The following PTPRU variants were observed in gnomAD, a reference collection of about 807,000 sequenced individuals.
PTPRU encodes receptor-type tyrosine-protein phosphatase U.
A neutral mutation model predicts 166.3 loss-of-function variants in PTPRU; 69 were observed. The observed-to-expected ratio is 0.41, with a 90% CI of 0.34 to 0.51. The LOEUF is 0.51. Ranked by LOEUF, PTPRU falls within the 20% of genes least tolerant of loss-of-function variation. The probability of loss-of-function intolerance (pLI) is 0.09; values close to 1 mark genes in which losing one functional copy is unlikely to be tolerated. For synonymous variants in PTPRU, 793 were observed against 814.0 expected, an observed-to-expected ratio of 0.97 and a Z score of 0.44; for missense variants, 1,657 against 2,013.7, an observed-to-expected ratio of 0.82 and a Z score of 3.39.
chr1:29,251,529 G>T (rs1383918688), intron 1 of PTPRU, among the ~76,000 whole-genome samples: 1 of 152,196 alleles, frequency 6.6e-6, no homozygotes, highest in East Asian at 1.9e-4. Flanking sequence ...GCCTATTTGG[G>T]GGTCACCAAC....
chr1:29,311,522 T>C lies in PTPRU; in HGVS notation c.2924T>C (p.Val975Ala), dbSNP rs1310201143. 6.2e-7 allele frequency: 1 copy of C among 1,614,000 alleles called. No individual in the cohort carries two copies. The highest frequency in any genetic ancestry group is 8.5e-7 in the Non-Finnish European group (1 of 1,180,022). ...TGGCAGGAGCACTGTTCCAGCATCG[T>C]CATGATCACCAAGCTGGTCGAGGTG... is the stretch of plus-strand genomic sequence containing the variant. ...MVWQEHCSSI[V>A]MITKLVEVGR... The change falls in exon 20 of 30, where the codon GTC (valine) becomes GCC (alanine). Residue 975 changes from valine to alanine, a missense_variant. By Grantham distance (64) the Val-to-Ala change is moderately conservative (BLOSUM62 0). Coordinates refer to ENST00000373779, the MANE Select transcript of PTPRU (RefSeq NM_133178.4). This position sits in a 1 kb window ranked among gnomAD's most constrained non-coding sequence, Gnocchi z 4.1.
chr1:29,248,254 G>C lies in PTPRU; in HGVS notation c.74-7021G>C, dbSNP rs949638923. Reference sequence around the variant, plus strand: ...GTGGTCCTTGACCTCAGGCAGGGAGGAGGTAGGGATTAGACAGGCCTGAGA... The same window carrying C: ...GTGGTCCTTGACCTCAGGCAGGGAGCAGGTAGGGATTAGACAGGCCTGAGA... On this transcript the variant is annotated intron_variant, in intron 1 of 29. Coordinates refer to ENST00000373779, the MANE Select transcript of PTPRU (RefSeq NM_133178.4). Among the ~76,000 whole-genome samples, 19 of 152,158 alleles carry C rather than the reference G, an allele frequency of 1.2e-4. 1 individual carries two copies. The highest frequency in any genetic ancestry group is 1.1e-3 in the Admixed American group (17 of 15,282).
rs756566408 is a variant in PTPRU, at chr1:29,237,289, G to A, written c.73+572G>A. Among the ~76,000 whole-genome samples the A allele has an allele frequency of 1.3e-5, 2 of 151,914 alleles. No individual in the cohort carries two copies. Among genetic ancestry groups the A allele is most frequent in the Non-Finnish European group, 2.9e-5 (2 of 67,968 alleles). ...GAAGGCGTGGGAACGGGTCCGGAAC[G>A]TGTGTGTCCGTGCGCTGTGTACGTG... On this transcript the variant is annotated intron_variant, in intron 1 of 29. Transcript: ENST00000373779. This position sits in a 1 kb window ranked among gnomAD's most constrained non-coding sequence, Gnocchi z 6.4.
At chr1:29,325,534 C>A in intron 29 of PTPRU, 65 bp from the exon 30 acceptor site, 1 of 1,546,950 alleles carries the variant, frequency 6.5e-7, no homozygotes, top group South Asian at 1.1e-5. Flanking sequence ...TCCCCGTTCC[C>A]CTCCCCCCAC....
chr1:29,309,377 C>T (rs1003375792), intron 18 of PTPRU, among the ~76,000 whole-genome samples: 12 of 152,186 alleles, frequency 7.9e-5, no homozygotes, highest in Non-Finnish European at 1.3e-4. Flanking sequence ...CTCAGAGTTA[C>T]ACAGCTACTG....
intron 7 of PTPRU, among the ~76,000 whole-genome samples, chr1:29,262,502 T>C (rs1265678151): frequency 6.6e-6 from 1 of 152,244 alleles, no homozygotes; most frequent in African/African-American, 2.4e-5. Context: ...CACATTTGTA[T>C]AACTTTTATT....
Position 29,291,747 on chromosome 1 carries a change from C to A in PTPRU, c.2319-122C>A. The A allele has an allele frequency of 9.6e-7, 1 of 1,037,050 alleles. No individual in the cohort carries two copies. Among genetic ancestry groups the A allele is most frequent in the Non-Finnish European group, 1.4e-6 (1 of 706,306 alleles). 64.2% of individuals were successfully genotyped at this position (1,037,050 alleles called of 1,614,324 possible). A position where few individuals can be genotyped will look rare whatever the true frequency, so the allele number is the denominator to read the frequency against. On this transcript the variant is annotated intron_variant, in intron 14 of 29. Coordinates refer to ENST00000373779, the MANE Select transcript of PTPRU (RefSeq NM_133178.4). This position sits in a 1 kb window ranked among gnomAD's most constrained non-coding sequence, Gnocchi z 4.1. Reference sequence around the variant, plus strand: ...GCAGAGCCCTCAGCATCCAGAGATGCTTCTAGGACAGCTGCTGGCTCCTGG... The same window carrying A: ...GCAGAGCCCTCAGCATCCAGAGATGATTCTAGGACAGCTGCTGGCTCCTGG...
intron 14 of PTPRU, among the ~76,000 whole-genome samples, chr1:29,287,958 C>T (rs892397840): frequency 6.6e-6 from 1 of 151,964 alleles, no homozygotes; most frequent in Non-Finnish European, 1.5e-5. Flanking sequence ...GGATTACAGG[C>T]GCCCACCACC....
Position 29,296,407 on chromosome 1 carries a change from A to C in PTPRU, c.2476+4381A>C, listed in dbSNP as rs538216991. ...TTATTTTTTCCCCTTTTGTCTGCTA[A>C]TGGGATGAGTGACATTTTTAGATTT... is the stretch of plus-strand genomic sequence containing the variant. On this transcript the variant is annotated intron_variant, in intron 15 of 29. Coordinates refer to ENST00000373779, the MANE Select transcript of PTPRU (RefSeq NM_133178.4). Among the ~76,000 whole-genome samples the C allele has an allele frequency of 4.0e-4, 61 of 151,902 alleles. 1 individual carries two copies. Among genetic ancestry groups the C allele is most frequent in the Admixed American group, 2.0e-4 (3 of 15,254 alleles).
chr1:29,314,153 T>G (rs1393043896), intron 22 of PTPRU, among the ~76,000 whole-genome samples: 1 of 152,244 alleles, frequency 6.6e-6, no homozygotes, highest in African/African-American at 2.4e-5. Context: ...CATTCTGCCA[T>G]GATAGGCATT....
intron 28 of PTPRU, among the ~76,000 whole-genome samples, chr1:29,324,757 T>TC (rs1688325347): frequency 6.6e-6 from 1 of 152,216 alleles, no homozygotes; most frequent in African/African-American, 2.4e-5. Context: ...CTTAACCTGG[T>TC]CCTGCTCCTC....
chr1:29,249,478 A>T (rs1478545666), intron 1 of PTPRU, among the ~76,000 whole-genome samples: 2 of 152,210 alleles, frequency 1.3e-5, no homozygotes, highest in Non-Finnish European at 2.9e-5. Flanking sequence ...TCACCCTCTC[A>T]GGGAGGCCTC....
chr1:29,270,175 A>G (rs1332491777), intron 7 of PTPRU, among the ~76,000 whole-genome samples: 1 of 152,170 alleles, frequency 6.6e-6, no homozygotes, highest in Non-Finnish European at 1.5e-5. Flanking sequence ...TAATGCACAC[A>G]TGTTTATTAA....
chr1:29,269,219 C>CATATATATATATATAT (rs1239721913), intron 7 of PTPRU, among the ~76,000 whole-genome samples: 3 of 42,408 alleles, frequency 7.1e-5, no homozygotes, highest in African/African-American at 2.9e-4. Flanking sequence ...AATTTATATA[C>CATATATATATATATAT]ATATATATAT....
Position 29,271,293 on chromosome 1 carries a change from T to C in PTPRU, c.1145-4155T>C, listed in dbSNP as rs116564818. ...GAAGAGAGTGTGTCTGGGTGCCAGATGGTTTTTAGAAACGTGGAGAAACTC... is the reference window on the plus strand; with the variant it reads ...GAAGAGAGTGTGTCTGGGTGCCAGACGGTTTTTAGAAACGTGGAGAAACTC... On this transcript the variant is annotated intron_variant, in intron 7 of 29. Transcript: ENST00000373779. The surrounding 1 kb of genome is among the most constrained non-coding windows in gnomAD (Gnocchi z 4.4). 6.2e-3 allele frequency among the ~76,000 whole-genome samples: 952 copies of C among 152,338 alleles called. 12 individuals are homozygous for C. The highest frequency in any genetic ancestry group is 0.022 in the African/African-American group (902 of 41,578).
Position 29,279,436 on chromosome 1 carries a change from C to T in PTPRU, c.1564-20C>T, listed in dbSNP as rs1320531687. On this transcript the variant is annotated intron_variant, in intron 9 of 29. Transcript: ENST00000373779. The surrounding 1 kb of genome is among the most constrained non-coding windows in gnomAD (Gnocchi z 5.2). ...GCTCTGACCATCCAGTGCCCACCTG[C>T]CTGCCAATCCTGCCCCCAGATCAGC... The T allele has an allele frequency of 6.2e-7, 1 of 1,611,362 alleles. No homozygotes were observed. Among genetic ancestry groups the T allele is most frequent in the African/African-American group, 1.3e-5 (1 of 74,868 alleles).
Position 29,279,321 on chromosome 1 carries a change from G to T in PTPRU, c.1564-135G>T. On this transcript the variant is annotated intron_variant, in intron 9 of 29. Transcript: ENST00000373779. The surrounding 1 kb of genome is among the most constrained non-coding windows in gnomAD (Gnocchi z 5.2). ...GAGGGAGAGCCGAAGATGACTAGAAGCCTGGCTTGATGGCATCCATAGTCT... is the reference window on the plus strand; with the variant it reads ...GAGGGAGAGCCGAAGATGACTAGAATCCTGGCTTGATGGCATCCATAGTCT... 1 of 1,098,920 alleles carries T rather than the reference G, an allele frequency of 9.1e-7. No homozygotes were observed. 68.1% of individuals were successfully genotyped at this position (1,098,920 alleles called of 1,614,324 possible). A position where few individuals can be genotyped will look rare whatever the true frequency, so the allele number is the denominator to read the frequency against.
intron 14 of PTPRU, among the ~76,000 whole-genome samples, chr1:29,286,250 CTATTT>C (rs1686343255): frequency 6.6e-6 from 1 of 152,154 alleles, no homozygotes; most frequent in African/African-American, 2.4e-5. Flanking sequence ...TTAAGAGAGA[CTATTT>C]TAAAGTATCA....
At chr1:29,295,488 A>T (rs950435706) in intron 15 of PTPRU, among the ~76,000 whole-genome samples, 5 of 152,180 alleles carry the variant, frequency 3.3e-5, no homozygotes, top group South Asian at 2.1e-4. Flanking sequence ...AGTGATTTAT[A>T]TTGCCCCATT....
Sources: gnomAD v4.1 joint callset for allele counts (sites outside exome capture counted in the v4.1 genomes callset) on GRCh38, gnomAD v4.1.1 for gene constraint, Gnocchi (gnomAD v3.1) non-coding constraint, MANE v1.5 for transcripts, NCBI Gene and HGNC (gene_info 2026-07-23, HGNC 2026-07-21) for gene names.